CTNND2: variants seen among roughly 807,000 people sequenced by gnomAD.
The protein encoded by CTNND2 is catenin delta-2.
CTNND2 carries 22 observed loss-of-function variants against 144.4 expected under a neutral mutation model. The ratio of observed to expected loss-of-function variants is 0.15; its 90% CI spans 0.11 to 0.22. The LOEUF (loss-of-function observed/expected upper bound fraction) is 0.22, where lower values mean the gene tolerates loss of function less well. Among genes scored for constraint, CTNND2 ranks in the 10% least tolerant of loss-of-function variants. The pLI is 1.00. For synonymous variants in CTNND2, 751 were observed against 695.6 expected (o/e 1.08, Z -1.25); for missense variants, 1,353 against 1,618.8 (o/e 0.84, Z 2.82).
intron 3 of CTNND2, among the ~76,000 whole-genome samples, chr5:11,489,662 AAC>A (rs1382461604): frequency 2.0e-5 from 3 of 152,324 alleles, no homozygotes; most frequent in South Asian, 4.1e-4. Context: ...AATGAGTAAT[AAC>A]ACAGTGATTG....
chr5:11,698,695 T>A (rs1581739107), intron 2 of CTNND2, among the ~76,000 whole-genome samples: 1 of 152,168 alleles, frequency 6.6e-6, no homozygotes, highest in African/African-American at 2.4e-5. Flanking sequence ...AATTTTCATA[T>A]AAAGAATTTT....
intron 1 of CTNND2, among the ~76,000 whole-genome samples, chr5:11,755,229 C>T (rs1013277271): frequency 3.3e-5 from 5 of 151,594 alleles, no homozygotes; most frequent in Admixed American, 6.6e-5. Flanking sequence ...TGAAATTCTC[C>T]GTTGCAATTT....
intron 16 of CTNND2, among the ~76,000 whole-genome samples, chr5:11,074,848 G>A (rs989328999): frequency 1.3e-5 from 2 of 152,148 alleles, no homozygotes; most frequent in East Asian, 1.9e-4. Flanking sequence ...ATCTTTGTCC[G>A]GAAACAGTCT....
chr5:11,445,466 C>T (rs1482973682), intron 3 of CTNND2, among the ~76,000 whole-genome samples: 1 of 152,110 alleles, frequency 6.6e-6, no homozygotes, highest in Non-Finnish European at 1.5e-5. Flanking sequence ...GTTGAGTGTC[C>T]CCTTCTCCTG....
intron 1 of CTNND2, among the ~76,000 whole-genome samples, chr5:11,899,617 A>T (rs1737695938): frequency 1.3e-5 from 2 of 152,198 alleles, no homozygotes; most frequent in Non-Finnish European, 1.5e-5. Flanking sequence ...TAACCTATTT[A>T]ATTAGATATG....
intron 1 of CTNND2, among the ~76,000 whole-genome samples, chr5:11,755,214 G>A (rs971802293): frequency 2.9e-4 from 44 of 151,778 alleles, no homozygotes; most frequent in African/African-American, 1.0e-3. Context: ...TAGTTTGACT[G>A]GATATGAAAT....
intron 8 of CTNND2, among the ~76,000 whole-genome samples, chr5:11,348,437 CAA>C (rs3034056): frequency 0.092 from 10,597 of 114,748 alleles, 860 homozygotes; most frequent in African/African-American, 0.24. Flanking sequence ...AAATCAAGGG[CAA>C]AAAAAAAAAA....
At chr5:11,537,109 C>A (rs1357786335) in intron 3 of CTNND2, among the ~76,000 whole-genome samples, 1 of 151,870 alleles carries the variant, frequency 6.6e-6, no homozygotes, top group East Asian at 2.0e-4. Flanking sequence ...TTCTGCTACA[C>A]TCCCAATTTT....
intron 15 of CTNND2, among the ~76,000 whole-genome samples, chr5:11,086,467 C>T (rs191814190): frequency 8.7e-4 from 132 of 152,278 alleles, no homozygotes; most frequent in African/African-American, 3.0e-3. Flanking sequence ...AATGTGGCCA[C>T]GCTTGCAGAC....
At chr5:11,761,951 G>A (rs1323830957) in intron 1 of CTNND2, among the ~76,000 whole-genome samples, 1 of 152,008 alleles carries the variant, frequency 6.6e-6, no homozygotes, top group African/African-American at 2.4e-5. Flanking sequence ...AAAAATGAAA[G>A]GACCAGGTCA....
chr5:11,399,300 G>C (rs1326147067), intron 5 of CTNND2, among the ~76,000 whole-genome samples: 1 of 152,178 alleles, frequency 6.6e-6, no homozygotes, highest in Non-Finnish European at 1.5e-5. Flanking sequence ...CAACGACAGT[G>C]CACAGACCTT....
chr5:11,497,344 A>G (rs1770052674), intron 3 of CTNND2, among the ~76,000 whole-genome samples: 1 of 152,060 alleles, frequency 6.6e-6, no homozygotes, highest in South Asian at 2.1e-4. Context: ...ACCCACATAA[A>G]GAACGATGCA....
chr5:11,835,368 A>G (rs953463360), intron 1 of CTNND2, among the ~76,000 whole-genome samples: 6 of 152,088 alleles, frequency 3.9e-5, no homozygotes, highest in African/African-American at 1.4e-4. Context: ...AAAAGCATAC[A>G]CTATTCAGGA....
At chr5:11,168,404 C>T (rs1759563808) in intron 11 of CTNND2, among the ~76,000 whole-genome samples, 1 of 152,100 alleles carries the variant, frequency 6.6e-6, no homozygotes, top group East Asian at 1.9e-4. Flanking sequence ...TTGGTAGTGG[C>T]CATCTGTAAA....
chr5:11,299,119 ACC>A (rs1241503433), intron 9 of CTNND2, among the ~76,000 whole-genome samples: 1 of 152,056 alleles, frequency 6.6e-6, no homozygotes, highest in East Asian at 1.9e-4. Flanking sequence ...CATATCAGTC[ACC>A]TCTTTAGGCT....
intron 2 of CTNND2, among the ~76,000 whole-genome samples, chr5:11,598,390 G>C (rs937636250): frequency 3.9e-5 from 6 of 152,104 alleles, no homozygotes; most frequent in African/African-American, 1.4e-4. Context: ...TTCTAGGTGT[G>C]CCAGGACTCC....
At chr5:10,987,661 A>T (rs866486595) in intron 20 of CTNND2, among the ~76,000 whole-genome samples, 38 of 14,014 alleles carry the variant, frequency 2.7e-3, no homozygotes, top group South Asian at 5.3e-3. Flanking sequence ...TCCCCTCCCC[A>T]CTCCCCTCTC....
intron 9 of CTNND2, among the ~76,000 whole-genome samples, chr5:11,264,714 G>A (rs1561118825): frequency 6.6e-6 from 1 of 152,176 alleles, no homozygotes; most frequent in Non-Finnish European, 1.5e-5. Flanking sequence ...CGGTTGGCCT[G>A]AGCTCAGGAG....
chr5:11,319,226 T>G (rs1751799454), intron 9 of CTNND2, among the ~76,000 whole-genome samples: 1 of 152,164 alleles, frequency 6.6e-6, no homozygotes, highest in South Asian at 2.1e-4. Context: ...TTCTTCTGAC[T>G]ACTAGATAAG....
Sources: gnomAD v4.1 joint callset for allele counts (sites outside exome capture counted in the v4.1 genomes callset) on GRCh38, gnomAD v4.1.1 for gene constraint, MANE v1.5 for transcripts, NCBI Gene and HGNC (gene_info 2026-07-23, HGNC 2026-07-21) for gene names.